Variants in CAPN13 observed in about 807,000 individuals in gnomAD.
The protein encoded by CAPN13 is calpain 13, also known as calpain-13.
A neutral mutation model predicts 98.4 loss-of-function variants in CAPN13; 90 were observed. The observed-to-expected ratio is 0.92, with a 90% CI of 0.77 to 1.09. CAPN13 has a LOEUF of 1.09. Ranked by LOEUF, CAPN13 falls within the 50% of genes least tolerant of loss-of-function variation. The pLI is 0.00. For synonymous variants in CAPN13, 330 were observed against 305.5 expected, an observed-to-expected ratio of 1.08 and a Z score of -0.84; for missense variants, 887 against 841.3, an observed-to-expected ratio of 1.05 and a Z score of -0.67.
At chr2:30,767,253 T>C (rs1459969068) in intron 5 of CAPN13, among the ~76,000 whole-genome samples, 1 of 152,162 alleles carries the variant, frequency 6.6e-6, no homozygotes, top group Non-Finnish European at 1.5e-5. Context: ...CATAATTCTA[T>C]GTGATTCACC....
At position 30,723,151 on chromosome 2, in the gene CAPN13, G is replaced by T. The variant is rs912175480; in HGVS notation, c.*116C>A. 1.3e-5 allele frequency: 2 copies of T among 152,250 alleles called. No homozygotes were observed. Among genetic ancestry groups the T allele is most frequent in the Admixed American group, 6.5e-5 (1 of 15,282 alleles). The allele number at this position is 152,250 out of a possible 1,614,324, so 9.4% of individuals were successfully genotyped here. ...TTGGACTCTGTTTCATGCAGGGCTG[G>T]TTTAGATTTATCACAACCACCATAC... is the stretch of plus-strand genomic sequence containing the variant. On this transcript the variant is annotated 3_prime_UTR_variant, in exon 23 of 23. Transcript: ENST00000295055.
chr2:30,738,239 A>C lies in CAPN13; in HGVS notation c.1649T>G (p.Met550Arg). Residue 550 changes from methionine (M) to arginine (R), a missense_variant, in exon 17 of 23, where the codon ATG becomes AGG. Transcript: ENST00000295055. ...LDECRSLVAL[M>R]ELKVNGRLDQ... ...AGGGATGACCGCAAAGGATACTTCCATCAGAGCCACCAAGCTGCGGCACTC... is the reference window on the plus strand; with the variant it reads ...AGGGATGACCGCAAAGGATACTTCCCTCAGAGCCACCAAGCTGCGGCACTC... The C allele has an allele frequency of 6.2e-7, 1 of 1,613,992 alleles. No individual in the cohort carries two copies. Among genetic ancestry groups the C allele is most frequent in the Non-Finnish European group, 8.5e-7 (1 of 1,179,876 alleles).
rs1260651781 is a variant in CAPN13, at chr2:30,758,045, C to T, written c.866+1G>A. ...TGGAGAGAGGTTTCCAGAAGCCATA[C>T]CCATCACTCCAGCGCCCTCTCCATT... is the stretch of plus-strand genomic sequence containing the variant. On this transcript the variant is annotated splice_donor_variant, in intron 8 of 22. Coordinates refer to ENST00000295055, the MANE Select transcript of CAPN13 (RefSeq NM_144575.3). LOFTEE classifies it high-confidence loss of function. 1.2e-6 allele frequency: 2 copies of T among 1,602,758 alleles called. No homozygotes were observed. The highest frequency in any genetic ancestry group is 2.2e-5 in the East Asian group (1 of 44,586).
intron 12 of CAPN13, chr2:30,745,140 C>T (rs1035313764): frequency 4.3e-6 from 2 of 464,908 alleles, no homozygotes; most frequent in Non-Finnish European, 9.0e-6. Context: ...GCTCAGCACT[C>T]TCAGCCATGG....
chr2:30,799,871 A>T (rs912282622), intron 1 of CAPN13, among the ~76,000 whole-genome samples: 3 of 152,110 alleles, frequency 2.0e-5, no homozygotes, highest in Non-Finnish European at 1.5e-5. Context: ...CAGGAGATCG[A>T]GACCATCCTA....
At chr2:30,801,120 C>G (rs939123152) in intron 1 of CAPN13, among the ~76,000 whole-genome samples, 2 of 152,094 alleles carry the variant, frequency 1.3e-5, no homozygotes, top group African/African-American at 4.8e-5. Flanking sequence ...GACGAGTACT[C>G]CCCAGGCAGA....
At position 30,732,547 on chromosome 2, in the gene CAPN13, G is replaced by A. The variant is rs1671157871; in HGVS notation, c.1818C>T (p.Phe606=). 1 of 1,609,532 alleles carries A rather than the reference G, an allele frequency of 6.2e-7. No homozygotes were observed. The highest frequency in any genetic ancestry group is 2.2e-5 in the East Asian group (1 of 44,716). The stretch of plus-strand genomic sequence containing the variant: ...CCAGATGCAGCAGCTCACGGCTGAT[G>A]AAGATCCCTCTGAGGAAGTCTGGGG... ...IENTDFLRGI[F]ISRELLHLVT... Residue 606 remains phenylalanine, a synonymous_variant, in exon 20 of 23, where the codon TTC becomes TTT. Coordinates refer to ENST00000295055, the MANE Select transcript of CAPN13 (RefSeq NM_144575.3).
intron 5 of CAPN13, among the ~76,000 whole-genome samples, chr2:30,768,729 C>T (rs1205546168): frequency 1.4e-5 from 2 of 146,776 alleles, no homozygotes; most frequent in Non-Finnish European, 3.0e-5. Flanking sequence ...TCTTTTTCTC[C>T]TCCACCCCAA....
In CAPN13 at chr2:30,770,455, A is replaced by C. The variant is rs1673344684; in HGVS notation, c.388-6T>G. On this transcript the variant is annotated splice_region_variant and splice_polypyrimidine_tract_variant and intron_variant, in intron 4 of 22. Transcript: ENST00000295055. Reference sequence around the variant, plus strand: ...CACTGGCCACATTGCCAGAACTGGAAGAGAGCCAAGCATATGCTTTGACAG... The same window carrying C: ...CACTGGCCACATTGCCAGAACTGGACGAGAGCCAAGCATATGCTTTGACAG... The C allele has an allele frequency of 6.2e-7, 1 of 1,613,602 alleles. No homozygotes were observed. Among genetic ancestry groups the C allele is most frequent in the African/African-American group, 1.3e-5 (1 of 74,940 alleles).
At chr2:30,735,827 T>C (rs1321651684) in intron 18 of CAPN13, among the ~76,000 whole-genome samples, 1 of 152,166 alleles carries the variant, frequency 6.6e-6, no homozygotes, top group Non-Finnish European at 1.5e-5. Flanking sequence ...ATACTTCTAT[T>C]TGGCATGTGT....
intron 5 of CAPN13, among the ~76,000 whole-genome samples, chr2:30,769,217 G>A (rs551352891): frequency 3.7e-4 from 57 of 152,130 alleles, no homozygotes; most frequent in Non-Finnish European, 7.4e-5. Flanking sequence ...CCTCAGATGT[G>A]TCCCCTTAGG....
intron 11 of CAPN13, among the ~76,000 whole-genome samples, chr2:30,748,120 T>C (rs1321578261): frequency 6.6e-6 from 1 of 152,244 alleles, no homozygotes; most frequent in Non-Finnish European, 1.5e-5. Flanking sequence ...TGTGGGCTTC[T>C]GTCTTAGCTC....
At chr2:30,742,404 C>T (rs1671709196) in intron 13 of CAPN13, 45 bp from the exon 14 acceptor site, 1 of 1,586,522 alleles carries the variant, frequency 6.3e-7, no homozygotes, top group Non-Finnish European at 8.6e-7. Flanking sequence ...CAGCTCACCA[C>T]TCAAAGGGGG....
At chr2:30,740,709 G>C (rs1312539978) in intron 15 of CAPN13, among the ~76,000 whole-genome samples, 1 of 152,232 alleles carries the variant, frequency 6.6e-6, no homozygotes, top group Admixed American at 6.5e-5. Context: ...GAGGAACTTG[G>C]CTGTTGTTTG....
chr2:30,786,837 T>A (rs978258509), intron 2 of CAPN13, among the ~76,000 whole-genome samples: 2 of 152,180 alleles, frequency 1.3e-5, no homozygotes, highest in African/African-American at 4.8e-5. Context: ...GAGCAACAAC[T>A]ACAATCTTCA....
intron 1 of CAPN13, among the ~76,000 whole-genome samples, chr2:30,788,776 T>C (rs1312385673): frequency 1.3e-5 from 2 of 152,260 alleles, no homozygotes; most frequent in South Asian, 2.1e-4. Flanking sequence ...TAATAGCATG[T>C]GGCAAGTTAT....
At chr2:30,749,425 C>T (rs566071781) in intron 11 of CAPN13, among the ~76,000 whole-genome samples, 1 of 152,336 alleles carries the variant, frequency 6.6e-6, no homozygotes, top group East Asian at 1.9e-4. Flanking sequence ...GTGTAAACCA[C>T]AGCCAATGCA....
intron 15 of CAPN13, among the ~76,000 whole-genome samples, chr2:30,739,198 C>T (rs544812131): frequency 5.3e-5 from 8 of 152,198 alleles, no homozygotes; most frequent in East Asian, 1.9e-4. Flanking sequence ...ATTCTATATG[C>T]GGCTGTTCCT....
At position 30,737,966 on chromosome 2, in the gene CAPN13, GACACACACAC is replaced by G. The variant is rs71831494; in HGVS notation, c.1653+259_1653+268del. Reference sequence around the variant, plus strand: ...GAGGGATTGCTTCAAGAATTATAAGGACACACACACACACACACACACACACACACACACA... The same window carrying G: ...GAGGGATTGCTTCAAGAATTATAAGGACACACACACACACACACACACACA... On this transcript the variant is annotated intron_variant, in intron 17 of 22. Coordinates refer to ENST00000295055, the MANE Select transcript of CAPN13 (RefSeq NM_144575.3). 2,144 of 371,228 alleles carry G rather than the reference GACACACACAC, an allele frequency of 5.8e-3. 4 individuals are homozygous for G. The highest frequency in any genetic ancestry group is 0.018 in the East Asian group (374 of 20,380). 23.0% of individuals were successfully genotyped at this position (371,228 alleles called of 1,614,324 possible).
Sources: gnomAD v4.1 joint callset for allele counts (sites outside exome capture counted in the v4.1 genomes callset) on GRCh38, gnomAD v4.1.1 for gene constraint, MANE v1.5 for transcripts, NCBI Gene and HGNC (gene_info 2026-07-23, HGNC 2026-07-21) for gene names.